The following MTMR7 variants were observed in gnomAD, a reference collection of about 807,000 sequenced individuals.
MTMR7 encodes myotubularin related protein 7, also known as phosphatidylinositol-3-phosphate phosphatase MTMR7.
MTMR7 carries 76 observed loss-of-function variants against 81.2 expected under a neutral mutation model. That is an observed-to-expected ratio of 0.94 (90% CI 0.78 to 1.13). MTMR7 has a LOEUF of 1.13. Ranked by LOEUF, MTMR7 falls within the 50% of genes most tolerant of loss-of-function variation. The pLI, the probability that MTMR7 is intolerant of heterozygous loss-of-function variation, is 0.00. For missense variants in MTMR7, 1,044 were observed against 820.0 expected (o/e 1.27, Z -3.34); for synonymous variants, 372 against 289.8 (o/e 1.28, Z -2.88).
rs766464604 is a variant in MTMR7 at position 17,413,222 on chromosome 8, C to A, written c.24+47G>T. ...CGCGCTCAGCATCCCTCCTCCTCCT[C>A]CCCCATCTCCTCCCGTCCCTCCTCC... On this transcript the variant is annotated intron_variant, in intron 1 of 13. Coordinates refer to ENST00000180173, the MANE Select transcript of MTMR7 (RefSeq NM_004686.5). 25 of 1,540,034 alleles carry A rather than the reference C, an allele frequency of 1.6e-5. No individual in the cohort carries two copies. The South Asian group carries it at 2.3e-4, about 14-fold the overall frequency.
intron 3 of MTMR7, among the ~76,000 whole-genome samples, chr8:17,361,917 C>CGG (rs1820073198): frequency 6.6e-6 from 1 of 152,118 alleles, no homozygotes; most frequent in Non-Finnish European, 1.5e-5. Context: ...TTGAAGGCTG[C>CGG]ATCATGATGT....
At chr8:17,349,141 C>G in intron 4 of MTMR7, 60 bp from the exon 5 acceptor site, 3 of 1,567,320 alleles carry the variant, frequency 1.9e-6, no homozygotes, top group South Asian at 1.1e-5. Flanking sequence ...GCGAACTGCC[C>G]CCAGAAATTC....
chr8:17,333,805 T>C lies in MTMR7; in HGVS notation c.733-2523A>G, dbSNP rs554197544. Among the ~76,000 whole-genome samples the C allele has an allele frequency of 7.7e-4, 117 of 152,160 alleles. 1 individual carries two copies. Among genetic ancestry groups the C allele is most frequent in the African/African-American group, 2.7e-3 (114 of 41,526 alleles). Reference sequence around the variant, plus strand: ...TCAACGCTGCAGTGAGCTGTGATCGTGCCACTGTACTCCAGCCTAGGTGAC... The same window carrying C: ...TCAACGCTGCAGTGAGCTGTGATCGCGCCACTGTACTCCAGCCTAGGTGAC... On this transcript the variant is annotated intron_variant, in intron 6 of 13. Transcript: ENST00000180173.
At chr8:17,373,487 C>G (rs1470494579) in intron 1 of MTMR7, among the ~76,000 whole-genome samples, 1 of 112,206 alleles carries the variant, frequency 8.9e-6, no homozygotes, top group African/African-American at 3.4e-5. Flanking sequence ...TGTGTAGATC[C>G]TATTAAGAAT....
chr8:17,385,536 G>A (rs1159054041), intron 1 of MTMR7, among the ~76,000 whole-genome samples: 2 of 152,078 alleles, frequency 1.3e-5, no homozygotes, highest in East Asian at 1.9e-4. Context: ...TTCGTCTTCC[G>A]CCACGATTGT....
At chr8:17,405,812 C>G (rs1489192198) in intron 1 of MTMR7, among the ~76,000 whole-genome samples, 2 of 148,046 alleles carry the variant, frequency 1.4e-5, no homozygotes, top group African/African-American at 2.5e-5. Context: ...TATTAAAAAA[C>G]AGGTTCTCAT....
Position 17,313,378 on chromosome 8 carries a change from T to C in MTMR7, c.889A>G (p.Met297Val), listed in dbSNP as rs772809203. Residue 297 changes from methionine (M) to valine (V), a missense_variant, in exon 8 of 14, where the codon ATG becomes GTG. Transcript: ENST00000180173. ...TCCAGACCCCACAGGAAATCACTCA[T>C]GGAGGGAGATTTAAGTTCACACACT... The part of the protein sequence containing the change: ...LEVCELKSPS[M>V]SDFLWGLENS... 1.2e-6 allele frequency: 2 copies of C among 1,611,970 alleles called. No individual in the cohort carries two copies. The highest frequency in any genetic ancestry group is 1.7e-5 in the Admixed American group (1 of 59,976).
At chr8:17,318,176 G>T (rs1818197327) in intron 7 of MTMR7, among the ~76,000 whole-genome samples, 1 of 152,130 alleles carries the variant, frequency 6.6e-6, no homozygotes, top group Non-Finnish European at 1.5e-5. Context: ...CCTGGGCCTA[G>T]TCTCACACAT....
chr8:17,326,255 AG>A (rs1324441886), intron 7 of MTMR7: 2 of 152,172 alleles, frequency 1.3e-5, no homozygotes, highest in East Asian at 3.9e-4. Flanking sequence ...GAGCTGAAAC[AG>A]GTTTCTCAGG....
intron 6 of MTMR7, chr8:17,338,832 C>A (rs1227228701): frequency 6.6e-6 from 1 of 151,794 alleles, no homozygotes; most frequent in Non-Finnish European, 1.5e-5. Context: ...TGAATGTGAT[C>A]TAGCTGTGGT....
rs1470101534 is a variant in MTMR7 at position 17,297,444 on chromosome 8, A to G, written c.*2418T>C. 5 of 150,862 alleles carry G rather than the reference A, an allele frequency of 3.3e-5. No individual in the cohort carries two copies. The highest frequency in any genetic ancestry group is 6.0e-5 in the Non-Finnish European group (4 of 67,194). 9.3% of individuals were successfully genotyped at this position (150,862 alleles called of 1,614,324 possible). A position where few individuals can be genotyped will look rare whatever the true frequency, so the allele number is the denominator to read the frequency against. On this transcript the variant is annotated 3_prime_UTR_variant, in exon 14 of 14. Coordinates refer to ENST00000180173, the MANE Select transcript of MTMR7 (RefSeq NM_004686.5). ...ATTTTTAGGAGAAGAAAGTAAACTA[A>G]TGTGCTCTTAAAGAATAAAAATTTA... is the stretch of plus-strand genomic sequence containing the variant.
At chr8:17,334,903 G>C (rs1001469579) in intron 6 of MTMR7, among the ~76,000 whole-genome samples, 5 of 152,152 alleles carry the variant, frequency 3.3e-5, no homozygotes, top group Non-Finnish European at 7.4e-5. Flanking sequence ...TGTAAGGATG[G>C]AGAGAGAGGG....
chr8:17,384,128 T>G (rs967206270), intron 1 of MTMR7, among the ~76,000 whole-genome samples: 1 of 152,124 alleles, frequency 6.6e-6, no homozygotes, highest in African/African-American at 2.4e-5. Context: ...TAATTGTTAT[T>G]GGCTGGGCAT....
chr8:17,385,890 C>T (rs1035806139), intron 1 of MTMR7, among the ~76,000 whole-genome samples: 9 of 152,302 alleles, frequency 5.9e-5, no homozygotes, highest in East Asian at 3.9e-4. Context: ...ATAAATTACC[C>T]GGTCTCAGAT....
chr8:17,360,575 T>C (rs922230250), intron 4 of MTMR7, among the ~76,000 whole-genome samples: 1 of 151,992 alleles, frequency 6.6e-6, no homozygotes, highest in Non-Finnish European at 1.5e-5. Context: ...CCCTGATCTG[T>C]AAGCCTGTCA....
At chr8:17,379,886 C>A (rs746776212) in intron 1 of MTMR7, among the ~76,000 whole-genome samples, 1 of 152,064 alleles carries the variant, frequency 6.6e-6, no homozygotes, top group Non-Finnish European at 1.5e-5. Flanking sequence ...TGTCTGAAGG[C>A]ACCGTTTCAT....
At chr8:17,326,543 A>G (rs1331907913) in intron 7 of MTMR7, 1 of 152,216 alleles carries the variant, frequency 6.6e-6, no homozygotes, top group Non-Finnish European at 1.5e-5. Context: ...GCTAGGTTAA[A>G]ATACTGCTTT....
At chr8:17,308,590 T>TGTGA (rs1436308816) in intron 10 of MTMR7, among the ~76,000 whole-genome samples, 1 of 152,172 alleles carries the variant, frequency 6.6e-6, no homozygotes, top group African/African-American at 2.4e-5. Flanking sequence ...AATTTAAATT[T>TGTGA]TATCACCAAA....
In MTMR7 at chr8:17,300,040, G is replaced by A. The variant is rs1409525471; in HGVS notation, c.1805C>T (p.Ala602Val). The change falls in exon 14 of 14, where the codon GCT becomes GTT. Residue 602 changes from alanine to valine, a missense_variant. Transcript: ENST00000180173. Reference sequence around the variant, plus strand: ...CAGATTGTCTTGGGTTAGAATCAGAGCAGAATCTTCATCGCCTTGTGAAGG... The same window carrying A: ...CAGATTGTCTTGGGTTAGAATCAGAACAGAATCTTCATCGCCTTGTGAAGG... ...RSPSQGDEDS[A>V]LILTQDNLKS... The A allele has an allele frequency of 1.9e-6, 3 of 1,614,010 alleles. No individual in the cohort carries two copies. Among genetic ancestry groups the A allele is most frequent in the African/African-American group, 2.7e-5 (2 of 74,912 alleles).
Sources: allele counts gnomAD v4.1 joint callset (sites outside exome capture counted in the v4.1 genomes callset), GRCh38; gene constraint gnomAD v4.1.1; transcripts MANE v1.5; gene names NCBI Gene and HGNC (gene_info 2026-07-23, HGNC 2026-07-21).